The following HAUS2 variants were observed in gnomAD, a reference collection of about 807,000 sequenced individuals.
The protein encoded by HAUS2 is HAUS augmin-like complex subunit 2.
Under a neutral mutation model 21.6 loss-of-function variants are expected in HAUS2, and 20 were observed. The ratio of observed to expected loss-of-function variants is 0.93; its 90% CI spans 0.65 to 1.35. The LOEUF is 1.35. Ranked by LOEUF, HAUS2 falls within the 40% of genes most tolerant of loss-of-function variation. The pLI, the probability that HAUS2 is intolerant of heterozygous loss-of-function variation, is 0.00. For synonymous variants in HAUS2, 113 were observed against 95.6 expected, an observed-to-expected ratio of 1.18 and a Z score of -1.06; for missense variants, 297 against 280.7, an observed-to-expected ratio of 1.06 and a Z score of -0.42.
rs1323276504 is a variant in HAUS2 at position 42,557,318 on chromosome 15, A to T, written c.94-880A>T. Among the ~76,000 whole-genome samples the T allele has an allele frequency of 5.3e-4, 47 of 88,942 alleles. 1 individual carries two copies. The highest frequency in any genetic ancestry group is 4.5e-3 in the Middle Eastern group (1 of 222). The allele number at this position is 88,942 out of a possible 152,430, so 58.3% of individuals were successfully genotyped here. A position where few individuals can be genotyped will look rare whatever the true frequency, so the allele number is the denominator to read the frequency against. On this transcript the variant is annotated intron_variant, in intron 1 of 5. Transcript: ENST00000260372. ...GCGACAGAGTGAGACTCCATTTAAA[A>T]ATATATATATTATATATAATATATA...
Position 42,552,954 on chromosome 15 carries a change from A to G in HAUS2, c.93+3989A>G, listed in dbSNP as rs1208662043. Among the ~76,000 whole-genome samples, 13 of 151,962 alleles carry G rather than the reference A, an allele frequency of 8.6e-5. No individual in the cohort carries two copies. The South Asian group carries it at 2.5e-3, about 29-fold the overall frequency. ...GAGTGCCCACCAATTACAAGTTTAT[A>G]CATACATATATGGTATATAATGTTA... On this transcript the variant is annotated intron_variant, in intron 1 of 5. Coordinates refer to ENST00000260372, the MANE Select transcript of HAUS2 (RefSeq NM_018097.3).
chr15:42,554,863 G>A (rs1210471028), intron 1 of HAUS2, among the ~76,000 whole-genome samples: 1 of 151,588 alleles, frequency 6.6e-6, no homozygotes, highest in African/African-American at 2.4e-5. Context: ...GTCTCACTCT[G>A]TTGCCCAGGC....
Position 42,569,634 on chromosome 15 carries a change from T to G in HAUS2, c.*2818T>G, listed in dbSNP as rs193230109. On this transcript the variant is annotated 3_prime_UTR_variant, in exon 6 of 6. Transcript: ENST00000260372. ...ATTGTACTCCTTAACACAAGAAGAC[T>G]TCAACAATGATAAGTAGTTGTTTAT... is the stretch of plus-strand genomic sequence containing the variant. 206 of 152,256 alleles carry G rather than the reference T, an allele frequency of 1.4e-3. No individual in the cohort carries two copies. Among genetic ancestry groups the G allele is most frequent in the African/African-American group, 4.8e-3 (201 of 41,568 alleles). 9.4% of individuals were successfully genotyped at this position (152,256 alleles called of 1,614,324 possible).
intron 1 of HAUS2, among the ~76,000 whole-genome samples, chr15:42,552,942 T>C (rs2141591479): frequency 6.6e-6 from 1 of 152,062 alleles, no homozygotes; most frequent in Non-Finnish European, 1.5e-5. Context: ...TGCCCACCAA[T>C]TACAAGTTTA....
intron 5 of HAUS2, among the ~76,000 whole-genome samples, chr15:42,565,037 A>G (rs1228644935): frequency 1.3e-5 from 2 of 152,136 alleles, no homozygotes; most frequent in Non-Finnish European, 2.9e-5. Flanking sequence ...GGGTTTTGCC[A>G]TGTTGGCCAG....
At chr15:42,561,700 G>T in intron 4 of HAUS2, 1 of 270,882 alleles carries the variant, frequency 3.7e-6, no homozygotes, top group Non-Finnish European at 7.1e-6. Flanking sequence ...ATTCATTGTT[G>T]TAAAGTACAT....
chr15:42,556,044 T>G (rs1286322209), intron 1 of HAUS2, among the ~76,000 whole-genome samples: 1 of 151,678 alleles, frequency 6.6e-6, no homozygotes, highest in East Asian at 1.9e-4. Flanking sequence ...CCTCCCAGGT[T>G]CAAGCAATTC....
At chr15:42,564,396 G>A (rs1399997567) in intron 5 of HAUS2, among the ~76,000 whole-genome samples, 1 of 151,780 alleles carries the variant, frequency 6.6e-6, no homozygotes, top group East Asian at 1.9e-4. Context: ...TAATAAACAT[G>A]TGTTGGCTTC....
chr15:42,554,107 C>G (rs1272041183), intron 1 of HAUS2, among the ~76,000 whole-genome samples: 2 of 152,108 alleles, frequency 1.3e-5, no homozygotes, highest in Non-Finnish European at 2.9e-5. Context: ...TTGTCAATTC[C>G]ATCTTTGCAG....
rs535124850 is a variant in HAUS2, at chr15:42,561,736, A to G, written c.389+334A>G. The G allele has an allele frequency of 3.9e-5, 8 of 203,730 alleles. 1 individual carries two copies. In the South Asian group the frequency reaches 7.5e-4, roughly 19 times the overall value. 12.6% of individuals were successfully genotyped at this position (203,730 alleles called of 1,614,324 possible). A position where few individuals can be genotyped will look rare whatever the true frequency, so the allele number is the denominator to read the frequency against. Reference sequence around the variant, plus strand: ...TCATTGTTGAGTTAATGTTGCCTATATGTAAAAATTCTATTGGCGGGGTTT... The same window carrying G: ...TCATTGTTGAGTTAATGTTGCCTATGTGTAAAAATTCTATTGGCGGGGTTT... On this transcript the variant is annotated intron_variant, in intron 4 of 5. Coordinates refer to ENST00000260372, the MANE Select transcript of HAUS2 (RefSeq NM_018097.3).
chr15:42,559,952 A>T (rs2057830936), intron 3 of HAUS2, among the ~76,000 whole-genome samples: 1 of 152,136 alleles, frequency 6.6e-6, no homozygotes, highest in African/African-American at 2.4e-5. Context: ...TGAGCCCGGG[A>T]GTTCAAGACC....
chr15:42,558,888 A>G (rs1294899256), intron 2 of HAUS2, among the ~76,000 whole-genome samples: 3 of 151,774 alleles, frequency 2.0e-5, no homozygotes, highest in Admixed American at 2.0e-4. Context: ...AGCCTAGGAA[A>G]TCGGGGCTGC....
At chr15:42,564,695 C>T (rs1230639063) in intron 5 of HAUS2, among the ~76,000 whole-genome samples, 1 of 152,170 alleles carries the variant, frequency 6.6e-6, no homozygotes, top group Non-Finnish European at 1.5e-5. Context: ...CACTATGTTA[C>T]CTAGGCTGGT....
In HAUS2 at chr15:42,558,288, C is replaced by T; in HGVS notation, c.184C>T (p.Gln62Ter). 1 of 1,138,122 alleles carries T rather than the reference C, an allele frequency of 8.8e-7. No homozygotes were observed. 70.5% of individuals were successfully genotyped at this position (1,138,122 alleles called of 1,614,324 possible). ...QITNIQAEIY[Q>*]KNLEIELLKL... The stretch of plus-strand genomic sequence containing the variant: ...CACAAATATTCAAGCTGAAATCTAC[C>T]AGGTAAATCATTTTGTTTTCACTTT... Residue 62 changes from glutamine to a stop codon, truncating the protein, a stop_gained and splice_region_variant, in exon 2 of 6, where the codon CAG becomes TAG. Transcript: ENST00000260372. LOFTEE classifies it high-confidence loss of function.
intron 4 of HAUS2, among the ~76,000 whole-genome samples, chr15:42,562,669 A>G (rs1215106949): frequency 6.6e-6 from 1 of 152,248 alleles, no homozygotes; most frequent in Non-Finnish European, 1.5e-5. Context: ...CCCTTAATGT[A>G]TATATTGTAC....
In HAUS2 at chr15:42,548,953, G is replaced by A; in HGVS notation, c.81G>A (p.Gly27=). ...TGCTAGGCCACTTCATAGCTTCGGG[G>A]ATGGTCAATCAGGTACGTGGGGGTG... ...GLVLGHFIAS[G]MVNQEMLNMS... Residue 27 remains glycine (G), a synonymous_variant, in exon 1 of 6, where the codon GGG becomes GGA. Transcript: ENST00000260372. 1.3e-6 allele frequency: 2 copies of A among 1,549,890 alleles called. No homozygotes were observed. The highest frequency in any genetic ancestry group is 1.7e-6 in the Non-Finnish European group (2 of 1,144,426).
intron 3 of HAUS2, 38 bp downstream of exon 3, chr15:42,559,446 C>A: frequency 8.2e-7 from 1 of 1,216,576 alleles, no homozygotes; most frequent in African/African-American, 1.5e-5. Context: ...ACTGGAATTT[C>A]AACTTTTTCT....
chr15:42,564,921 C>T (rs561013944), intron 5 of HAUS2, among the ~76,000 whole-genome samples: 51 of 152,290 alleles, frequency 3.3e-4, no homozygotes, highest in African/African-American at 1.1e-3. Context: ...GTGCAACCTC[C>T]GCCTCTTGGG....
At chr15:42,549,085 T>C in intron 1 of HAUS2, 120 bp downstream of exon 1, 1 of 624,844 alleles carries the variant, frequency 1.6e-6, no homozygotes, top group East Asian at 2.8e-5. Context: ...TGTACTAGAG[T>C]AATAAGAGCC....
Sources: allele counts gnomAD v4.1 joint callset (sites outside exome capture counted in the v4.1 genomes callset), GRCh38; gene constraint gnomAD v4.1.1; transcripts MANE v1.5; gene names NCBI Gene and HGNC (gene_info 2026-07-23, HGNC 2026-07-21).